Variants in NCOA7 observed in about 807,000 individuals in gnomAD.
NCOA7 encodes the protein 140 kDa estrogen receptor-associated protein.
In NCOA7, 45 loss-of-function variants were observed where a neutral mutation model predicts 104.3. The observed-to-expected ratio is 0.43, with a 90% CI of 0.34 to 0.55. NCOA7 has a LOEUF of 0.55. Ranked by LOEUF, NCOA7 falls within the 20% of genes least tolerant of loss-of-function variation. The pLI, the probability that NCOA7 is intolerant of heterozygous loss-of-function variation, is 0.02. For missense variants in NCOA7, 1,041 were observed against 1,119.7 expected (o/e 0.93, Z 1.00); for synonymous variants, 398 against 402.3 (o/e 0.99, Z 0.13).
intron 10 of NCOA7, among the ~76,000 whole-genome samples, chr6:125,906,011 C>T (rs1785963364): frequency 6.6e-6 from 1 of 152,090 alleles, no homozygotes; most frequent in African/African-American, 2.4e-5. Context: ...CCGTATTGGC[C>T]AGGGTGGTCT....
At chr6:125,878,164 A>G (rs1330441621) in intron 4 of NCOA7, 99 bp from the exon 5 acceptor site, 6 of 598,046 alleles carry the variant, frequency 1.0e-5, no homozygotes, top group African/African-American at 1.9e-5. Flanking sequence ...TGGAACTATT[A>G]GTTTGTTATT....
intron 10 of NCOA7, among the ~76,000 whole-genome samples, chr6:125,897,608 C>T (rs886239343): frequency 1.3e-5 from 2 of 152,168 alleles, no homozygotes; most frequent in African/African-American, 4.8e-5. Flanking sequence ...TATTTAAAGA[C>T]ATGTTAGTTC....
chr6:125,842,436 A>T (rs546604814), intron 2 of NCOA7, among the ~76,000 whole-genome samples: 1 of 152,342 alleles, frequency 6.6e-6, no homozygotes, highest in East Asian at 1.9e-4. Flanking sequence ...GTAGCAAAAT[A>T]TATGTGTCAC....
intron 10 of NCOA7, among the ~76,000 whole-genome samples, chr6:125,892,196 A>G (rs1056828710): frequency 6.6e-6 from 1 of 152,210 alleles, no homozygotes; most frequent in Non-Finnish European, 1.5e-5. Flanking sequence ...TTTCTCTGGG[A>G]AAATGTATTC....
intron 2 of NCOA7, among the ~76,000 whole-genome samples, chr6:125,840,042 G>A (rs545331215): frequency 9.9e-5 from 15 of 152,138 alleles, no homozygotes; most frequent in African/African-American, 3.6e-4. Flanking sequence ...TGTTATCATA[G>A]GAGAGGATAC....
At position 125,890,641 on chromosome 6, in the gene NCOA7, G is replaced by A; in HGVS notation, c.1928-1G>A. On this transcript the variant is annotated splice_acceptor_variant, in intron 9 of 15. Transcript: ENST00000392477. LOFTEE classifies it high-confidence loss of function. ...GAACAGTTTTTTCGTGTGTGATTCA[G>A]ATATACTTCCTTCAAAAGAAGAAAA... 6.2e-7 allele frequency: 1 copy of A among 1,610,708 alleles called. No homozygotes were observed. The highest frequency in any genetic ancestry group is 1.3e-5 in the African/African-American group (1 of 74,720).
chr6:125,795,560 C>T (rs1338225428), intron 1 of NCOA7, among the ~76,000 whole-genome samples: 1 of 152,196 alleles, frequency 6.6e-6, no homozygotes, highest in Non-Finnish European at 1.5e-5. Context: ...CTCTGATTCA[C>T]TCTGTTCTAT....
intron 8 of NCOA7, among the ~76,000 whole-genome samples, chr6:125,887,013 CATTA>C (rs1784316661): frequency 2.0e-5 from 3 of 152,212 alleles, no homozygotes; most frequent in Admixed American, 1.3e-4. Flanking sequence ...GTCTAGAAAA[CATTA>C]ATTAACAAAC....
chr6:125,872,812 C>T (rs921779680), intron 3 of NCOA7, among the ~76,000 whole-genome samples: 9 of 152,184 alleles, frequency 5.9e-5, no homozygotes, highest in African/African-American at 2.2e-4. Flanking sequence ...GATCTAAAAA[C>T]ATAGTCAATA....
In NCOA7 at chr6:125,918,015, A is replaced by T. The variant is rs189445545; in HGVS notation, c.2244+2535A>T. Among the ~76,000 whole-genome samples the T allele has an allele frequency of 5.3e-5, 8 of 152,298 alleles. No individual in the cohort carries two copies. In the East Asian group the frequency reaches 9.6e-4, roughly 18 times the overall value. ...GCTCTTGTTTCCGACTTGTGAAAATAAGCTGTTAATTTACATTGTCCAGGT... is the reference window on the plus strand; with the variant it reads ...GCTCTTGTTTCCGACTTGTGAAAATTAGCTGTTAATTTACATTGTCCAGGT... On this transcript the variant is annotated intron_variant, in intron 11 of 15. Coordinates refer to ENST00000392477, the MANE Select transcript of NCOA7 (RefSeq NM_181782.5).
chr6:125,919,555 G>A, intron 11 of NCOA7: 1 of 925,034 alleles, frequency 1.1e-6, no homozygotes, highest in East Asian at 2.6e-5. Flanking sequence ...ACCAGCAGGT[G>A]TTTTATTCAT....
intron 1 of NCOA7, among the ~76,000 whole-genome samples, chr6:125,811,686 C>T (rs1165711533): frequency 2.6e-5 from 4 of 151,962 alleles, no homozygotes; most frequent in South Asian, 2.1e-4. Flanking sequence ...GACACTCAGC[C>T]GCCATCTTTC....
chr6:125,840,868 G>GGTTTTT (rs1780075330), intron 2 of NCOA7, among the ~76,000 whole-genome samples: 1 of 40,340 alleles, frequency 2.5e-5, no homozygotes, highest in African/African-American at 1.0e-4. Context: ...TGTTTGGTTG[G>GGTTTTT]TTTTTTTTTT....
chr6:125,919,398 T>C lies in NCOA7; in HGVS notation c.2245-1545T>C, dbSNP rs1787371520. The C allele has an allele frequency of 1.9e-6, 3 of 1,612,768 alleles. No individual in the cohort carries two copies. In the East Asian group the frequency reaches 6.7e-5, roughly 36 times the overall value. ...TACCCTTGGACATCCAGATTTTCTA[T>C]TGTGCCAGACCTGACGAAGAGCCTT... On this transcript the variant is annotated intron_variant, in intron 11 of 15. Coordinates refer to ENST00000392477, the MANE Select transcript of NCOA7 (RefSeq NM_181782.5).
chr6:125,889,908 T>G lies in NCOA7; in HGVS notation c.1854T>G (p.Cys618Trp). 8 of 1,600,024 alleles carry G rather than the reference T, an allele frequency of 5.0e-6. No homozygotes were observed. The highest frequency in any genetic ancestry group is 6.0e-6 in the Non-Finnish European group (7 of 1,175,752). Residue 618 changes from cysteine (C) to tryptophan (W), a missense_variant, in exon 9 of 16, where the codon TGT becomes TGG. Around this residue, in one of 2 missense-constraint regions of NCOA7, gnomAD observed 914 missense variants for 942.7 expected, o/e 0.97. Transcript: ENST00000392477. The part of the protein sequence containing the change: ...SSLESTLDNS[C>W]QGAQMDNKSE... ...TGGAATCTACTCTGGACAACAGCTGTCAAGGTGCACAAATGGATAATAAAT... is the reference window on the plus strand; with the variant it reads ...TGGAATCTACTCTGGACAACAGCTGGCAAGGTGCACAAATGGATAATAAAT...
At position 125,899,937 on chromosome 6, in the gene NCOA7, GAC is replaced by G. The variant is rs1290424560; in HGVS notation, c.2096+9129_2096+9130del. The G allele has an allele frequency of 1.1e-5, 6 of 527,770 alleles. No homozygotes were observed. The Admixed American group carries it at 1.2e-4, about 10-fold the overall frequency. The allele number at this position is 527,770 out of a possible 1,614,324, so 32.7% of individuals were successfully genotyped here. A position where few individuals can be genotyped will look rare whatever the true frequency, so the allele number is the denominator to read the frequency against. ...TTTCTGGTGGCGGAGCAAGCTTGGA[GAC>G]AAGTAGCTTTGGAGAATAGCTGAGG... On this transcript the variant is annotated intron_variant, in intron 10 of 15. Coordinates refer to ENST00000392477, the MANE Select transcript of NCOA7 (RefSeq NM_181782.5).
At chr6:125,909,424 A>G (rs1353150098) in intron 10 of NCOA7, among the ~76,000 whole-genome samples, 2 of 152,186 alleles carry the variant, frequency 1.3e-5, no homozygotes, top group East Asian at 3.9e-4. Flanking sequence ...TGCCCTCTAG[A>G]CAAAGACCAG....
chr6:125,853,622 A>G (rs752597005), intron 2 of NCOA7, among the ~76,000 whole-genome samples: 1 of 152,168 alleles, frequency 6.6e-6, no homozygotes, highest in Non-Finnish European at 1.5e-5. Flanking sequence ...TTGTTGGAAT[A>G]TGGGACCTTT....
chr6:125,919,233 G>C lies in NCOA7; in HGVS notation c.2245-1710G>C, dbSNP rs1787350047. On this transcript the variant is annotated intron_variant, in intron 11 of 15. Transcript: ENST00000392477. Reference sequence around the variant, plus strand: ...AGGGAAACAGAAACTCAATCATGCAGGAAACTAGATACTGAGAAAACAGTT... The same window carrying C: ...AGGGAAACAGAAACTCAATCATGCACGAAACTAGATACTGAGAAAACAGTT... The C allele has an allele frequency of 4.4e-6, 7 of 1,592,218 alleles. No individual in the cohort carries two copies. In the South Asian group the frequency reaches 7.9e-5, roughly 18 times the overall value.
Sources: gnomAD v4.1 joint callset for allele counts (sites outside exome capture counted in the v4.1 genomes callset) on GRCh38, gnomAD v4.1.1 for gene constraint, gnomAD v4.1.1 regional missense constraint, MANE v1.5 for transcripts, NCBI Gene and HGNC (gene_info 2026-07-23, HGNC 2026-07-21) for gene names.